Variants in RPRD1B observed in about 807,000 individuals in gnomAD.
RPRD1B encodes the protein regulation of nuclear pre-mRNA domain containing 1B.
Under a neutral mutation model 41.5 loss-of-function variants are expected in RPRD1B, and 11 were observed. That is an observed-to-expected ratio of 0.27 (90% CI 0.17 to 0.44). RPRD1B has a LOEUF of 0.44. Among genes scored for constraint, RPRD1B ranks in the 20% least tolerant of loss-of-function variants. The pLI is 1.00. For synonymous variants in RPRD1B, 158 were observed against 155.6 expected (o/e 1.02, Z -0.12); for missense variants, 248 against 389.9 (o/e 0.64, Z 3.06).
intron 3 of RPRD1B, 25 bp from the exon 4 acceptor site, chr20:38,057,507 A>AT (rs777656123): frequency 8.3e-6 from 13 of 1,565,820 alleles, no homozygotes; most frequent in Non-Finnish European, 3.5e-6. Flanking sequence ...TGTGACTCAA[A>AT]TTTATTACTT....
At chr20:38,062,828 G>GC (rs35010909) in intron 5 of RPRD1B, among the ~76,000 whole-genome samples, 3,096 of 34,600 alleles carry the variant, frequency 0.089, 122 homozygotes, top group Non-Finnish European at 0.1. Context: ...AAAAGCCAGA[G>GC]CCCCCCCCCC....
At chr20:38,064,144 G>T (rs1347291336) in intron 5 of RPRD1B, among the ~76,000 whole-genome samples, 3 of 152,160 alleles carry the variant, frequency 2.0e-5, no homozygotes, top group African/African-American at 4.8e-5. Context: ...GAAGTTGGCG[G>T]TCCTTTATCC....
At chr20:38,070,764 G>A (rs2074405102) in intron 6 of RPRD1B, 1 of 773,894 alleles carries the variant, frequency 1.3e-6, no homozygotes, top group African/African-American at 3.2e-5. Context: ...TTTTGAGACA[G>A]ACTCTTGCTC....
intron 6 of RPRD1B, among the ~76,000 whole-genome samples, chr20:38,071,790 G>C (rs911450458): frequency 2.6e-5 from 4 of 152,172 alleles, no homozygotes; most frequent in Non-Finnish European, 5.9e-5. Flanking sequence ...TAACGATACT[G>C]ATCATCTTTC....
Position 38,057,523 on chromosome 20 carries a change from T to C in RPRD1B, c.416-9T>C. On this transcript the variant is annotated splice_polypyrimidine_tract_variant and intron_variant, in intron 3 of 6. Coordinates refer to ENST00000373433, the MANE Select transcript of RPRD1B (RefSeq NM_021215.4). The stretch of plus-strand genomic sequence containing the variant: ...GTGACTCAAATTTATTACTTTCTCT[T>C]TTGTCTAGCAACAGAAGAGAAGAAA... 1 of 1,604,756 alleles carries C rather than the reference T, an allele frequency of 6.2e-7. No individual in the cohort carries two copies. The highest frequency in any genetic ancestry group is 8.5e-7 in the Non-Finnish European group (1 of 1,171,456).
intron 1 of RPRD1B, 34 bp downstream of exon 1, chr20:38,034,132 C>T (rs2073965551): frequency 1.3e-6 from 2 of 1,597,182 alleles, no homozygotes; most frequent in Middle Eastern, 1.7e-4. Context: ...TGGACGGTCC[C>T]CGGATTGTCC....
intron 5 of RPRD1B, among the ~76,000 whole-genome samples, chr20:38,064,898 A>C (rs570301177): frequency 6.6e-5 from 10 of 152,102 alleles, no homozygotes; most frequent in African/African-American, 2.4e-4. Context: ...AGGCAGGAGA[A>C]TGGCATGAAC....
rs76063792 is a variant in RPRD1B at position 38,038,839 on chromosome 20, A to G, written c.152-1596A>G. Among the ~76,000 whole-genome samples, 253 of 152,278 alleles carry G rather than the reference A, an allele frequency of 1.7e-3. 3 individuals are homozygous for G. The highest frequency in any genetic ancestry group is 5.5e-3 in the African/African-American group (230 of 41,572). ...TAAAATGTCAGATCTTATGCCTGCT[A>G]TGTCAGACATATCAATGCTTTGTAC... On this transcript the variant is annotated intron_variant, in intron 1 of 6. Transcript: ENST00000373433.
In RPRD1B at chr20:38,090,986, C is replaced by CG; in HGVS notation, c.*1115dup. The stretch of plus-strand genomic sequence containing the variant: ...AATAGCTCGTCTCGGGCAGGGGAAG[C>CG]GGGGAGTTGGGGATATTAATTGGGG... On this transcript the variant is annotated 3_prime_UTR_variant, in exon 7 of 7. Coordinates refer to ENST00000373433, the MANE Select transcript of RPRD1B (RefSeq NM_021215.4). 2 of 985,404 alleles carry CG rather than the reference C, an allele frequency of 2.0e-6. No individual in the cohort carries two copies. Among genetic ancestry groups the CG allele is most frequent in the Non-Finnish European group, 2.4e-6 (2 of 829,910 alleles). 61.0% of individuals were successfully genotyped at this position (985,404 alleles called of 1,614,324 possible). A position where few individuals can be genotyped will look rare whatever the true frequency, so the allele number is the denominator to read the frequency against.
chr20:38,048,573 C>G (rs1369511123), intron 3 of RPRD1B, 92 bp downstream of exon 3: 2 of 1,495,422 alleles, frequency 1.3e-6, no homozygotes, highest in Non-Finnish European at 1.8e-6. Flanking sequence ...TGTGAACCAC[C>G]AGCGATTTTA....
intron 6 of RPRD1B, among the ~76,000 whole-genome samples, chr20:38,073,179 C>T (rs1555802238): frequency 6.6e-6 from 1 of 152,148 alleles, no homozygotes; most frequent in Non-Finnish European, 1.5e-5. Context: ...TCCCAAGAAT[C>T]TTGTTGTAGA....
chr20:38,078,576 T>C (rs1218674259), intron 6 of RPRD1B, among the ~76,000 whole-genome samples: 1 of 152,114 alleles, frequency 6.6e-6, no homozygotes, highest in African/African-American at 2.4e-5. Context: ...GTTCTGTCTG[T>C]ATTGTCACTC....
Position 38,048,374 on chromosome 20 carries a change from C to A in RPRD1B, c.308C>A (p.Pro103His). 1 of 1,613,528 alleles carries A rather than the reference C, an allele frequency of 6.2e-7. No homozygotes were observed. The highest frequency in any genetic ancestry group is 1.7e-4 in the Middle Eastern group (1 of 6,058). Residue 103 changes from proline to histidine, a missense_variant, in exon 3 of 7, where the codon CCT becomes CAT. By Grantham distance (77) the Pro-to-His change is moderately conservative. This residue lies in a region of RPRD1B where 47 missense variants were observed against 103.6 expected (regional missense o/e 0.45). Transcript: ENST00000373433. ...AREADEGCKK[P>H]LERLLNIWQE... is the part of the protein sequence containing the mutation. ...GAGGCAGATGAAGGCTGTAAAAAACCTTTAGAAAGATTGCTGAACATCTGG... is the reference window on the plus strand; with the variant it reads ...GAGGCAGATGAAGGCTGTAAAAAACATTTAGAAAGATTGCTGAACATCTGG...
At chr20:38,056,149 G>C (rs2074238369) in intron 3 of RPRD1B, among the ~76,000 whole-genome samples, 1 of 152,284 alleles carries the variant, frequency 6.6e-6, no homozygotes, top group Admixed American at 6.5e-5. Context: ...GACTTTGGGA[G>C]ACCAAGGCGG....
chr20:38,054,306 C>A (rs2074218549), intron 3 of RPRD1B, among the ~76,000 whole-genome samples: 1 of 152,152 alleles, frequency 6.6e-6, no homozygotes, highest in Non-Finnish European at 1.5e-5. Flanking sequence ...ATGTTTGTAG[C>A]ACCAGTAGGT....
intron 3 of RPRD1B, among the ~76,000 whole-genome samples, chr20:38,051,522 A>G (rs938596325): frequency 6.6e-6 from 1 of 152,222 alleles, no homozygotes; most frequent in African/African-American, 2.4e-5. Context: ...TTAGATGAGG[A>G]TACTGGCTCA....
chr20:38,033,826 C>T lies in RPRD1B; in HGVS notation c.-122C>T. Reference sequence around the variant, plus strand: ...CCCCTCCCCCTTCTCGCACCCCTGGCAGTCTGTCAGTCGGTAAAAAGTCCC... The same window carrying T: ...CCCCTCCCCCTTCTCGCACCCCTGGTAGTCTGTCAGTCGGTAAAAAGTCCC... On this transcript the variant is annotated 5_prime_UTR_variant, in exon 1 of 7. Transcript: ENST00000373433. 1.0e-6 allele frequency: 1 copy of T among 975,226 alleles called. No homozygotes were observed. Among genetic ancestry groups the T allele is most frequent in the East Asian group, 2.8e-5 (1 of 36,124 alleles). The allele number at this position is 975,226 out of a possible 1,614,324, so 60.4% of individuals were successfully genotyped here. A position where few individuals can be genotyped will look rare whatever the true frequency, so the allele number is the denominator to read the frequency against.
intron 6 of RPRD1B, chr20:38,085,667 C>G (rs2074554510): frequency 6.6e-6 from 1 of 152,178 alleles, no homozygotes; most frequent in South Asian, 2.1e-4. Context: ...ACACGAGATT[C>G]TTGGATTTTC....
chr20:38,057,658 C>G lies in RPRD1B; in HGVS notation c.528+14C>G. On this transcript the variant is annotated intron_variant, in intron 4 of 6. Transcript: ENST00000373433. ...GGACCCCTCTTGGTAGGTCTTGACC[C>G]CCAGAGAGTAGGGAACAGTGGCTTA... 6.3e-7 allele frequency: 1 copy of G among 1,577,792 alleles called. No homozygotes were observed. Among genetic ancestry groups the G allele is most frequent in the Non-Finnish European group, 8.7e-7 (1 of 1,147,168 alleles).
Sources: allele counts gnomAD v4.1 joint callset (sites outside exome capture counted in the v4.1 genomes callset), GRCh38; gene constraint gnomAD v4.1.1; regional missense constraint gnomAD v4.1.1; transcripts MANE v1.5; gene names NCBI Gene and HGNC (gene_info 2026-07-23, HGNC 2026-07-21).